The following APC variants were observed in gnomAD, a reference collection of about 807,000 sequenced individuals.
APC encodes the protein APC regulator of Wnt signaling pathway, also known as adenomatous polyposis coli protein.
In APC, 72 loss-of-function variants were observed where a neutral mutation model predicts 247.0. The observed-to-expected ratio is 0.29, with a 90% CI of 0.24 to 0.35. APC has a LOEUF of 0.35. Among genes scored for constraint, APC ranks in the 10% least tolerant of loss-of-function variants. The probability of loss-of-function intolerance (pLI) is 1.00; values close to 1 mark genes in which losing one functional copy is unlikely to be tolerated. For missense variants in APC, 3,400 were observed against 3,360.7 expected (o/e 1.01, Z -0.29); for synonymous variants, 1,254 against 1,162.5 (o/e 1.08, Z -1.60).
intron 6 of APC, among the ~76,000 whole-genome samples, chr5:112,788,150 G>T (rs961631380): frequency 6.6e-5 from 10 of 152,198 alleles, no homozygotes; most frequent in Admixed American, 6.5e-4. Context: ...GTCCACTTTA[G>T]CTTCTCCATG....
chr5:112,716,314 C>T (rs1751166649), intron 1 of APC, among the ~76,000 whole-genome samples: 1 of 151,978 alleles, frequency 6.6e-6, no homozygotes, highest in African/African-American at 2.4e-5. Flanking sequence ...TTTCAGATTT[C>T]TGTTATGATT....
chr5:112,813,715 C>T (rs1008452727), intron 8 of APC, among the ~76,000 whole-genome samples: 1 of 148,406 alleles, frequency 6.7e-6, no homozygotes, highest in Non-Finnish European at 1.5e-5. Context: ...CCAAAGAATT[C>T]AGAGCCAGCC....
At chr5:112,809,369 C>G (rs1480874058) in intron 8 of APC, among the ~76,000 whole-genome samples, 4 of 151,450 alleles carry the variant, frequency 2.6e-5, no homozygotes, top group Admixed American at 6.6e-5. Flanking sequence ...AATAAACACA[C>G]AAAGTAGAAA....
chr5:112,727,430 A>G (rs901127456), intron 1 of APC, among the ~76,000 whole-genome samples: 1 of 152,184 alleles, frequency 6.6e-6, no homozygotes, highest in Admixed American at 6.5e-5. Flanking sequence ...TAATATTGGT[A>G]TAAGAACAAA....
intron 5 of APC, chr5:112,778,550 A>AT (rs34304705): frequency 0.43 from 60,990 of 143,108 alleles, 13,808 homozygotes; most frequent in East Asian, 0.74. Flanking sequence ...CACGTAACTT[A>AT]TTTTTTTTTT....
Position 112,841,125 on chromosome 5 carries a change from A to C in APC, c.5531A>C (p.His1844Pro), listed in dbSNP as rs1392528791. ...VRGSFAFDSP[H>P]HYTPIEGTPY... ...GGAAGTTTTGCTTTTGATTCACCTC[A>C]TCATTACACGCCTATTGAAGGAACT... The change falls in exon 16 of 16, where the codon CAT (histidine) becomes CCT (proline). Residue 1844 changes from histidine (H) to proline (P), a missense_variant. His to Pro is a moderately conservative substitution (Grantham distance 77). Transcript: ENST00000257430. This position sits in a 1 kb window ranked among gnomAD's most constrained non-coding sequence, Gnocchi z 4.6. The C allele has an allele frequency of 6.2e-7, 1 of 1,612,926 alleles. No homozygotes were observed. The highest frequency in any genetic ancestry group is 1.7e-5 in the Admixed American group (1 of 60,024).
intron 7 of APC, among the ~76,000 whole-genome samples, chr5:112,794,217 G>A (rs999583524): frequency 1.3e-5 from 2 of 151,760 alleles, no homozygotes; most frequent in Non-Finnish European, 2.9e-5. Flanking sequence ...CTCAGCCCCC[G>A]AGTAGCTCAT....
intron 1 of APC, among the ~76,000 whole-genome samples, chr5:112,746,684 T>C (rs949812262): frequency 1.3e-5 from 2 of 152,208 alleles, no homozygotes; most frequent in Admixed American, 1.3e-4. Context: ...TGCCTAAACA[T>C]GTTTAAAAAA....
chr5:112,743,431 G>C (rs551929346), intron 1 of APC, among the ~76,000 whole-genome samples: 1 of 152,112 alleles, frequency 6.6e-6, no homozygotes, highest in South Asian at 2.1e-4. Flanking sequence ...TTTTTTTTAA[G>C]CTGAAGGATT....
intron 7 of APC, among the ~76,000 whole-genome samples, chr5:112,793,513 C>G (rs1182273802): frequency 6.6e-6 from 1 of 151,838 alleles, no homozygotes; most frequent in Non-Finnish European, 1.5e-5. Context: ...AAAAATTCAC[C>G]CAACAAAACA....
chr5:112,772,994 A>T (rs1757225884), intron 4 of APC, among the ~76,000 whole-genome samples: 2 of 152,246 alleles, frequency 1.3e-5, no homozygotes, highest in South Asian at 4.1e-4. Flanking sequence ...CCAGCTGTGA[A>T]TGGAGTTCAG....
At chr5:112,778,005 TC>T (rs1757860185) in intron 5 of APC, 1 of 193,300 alleles carries the variant, frequency 5.2e-6, no homozygotes, top group Admixed American at 4.9e-5. Context: ...TTCTTTAGGT[TC>T]CCAAGTGTTG....
chr5:112,795,208 AG>A (rs1760076867), intron 7 of APC, among the ~76,000 whole-genome samples: 1 of 151,984 alleles, frequency 6.6e-6, no homozygotes, highest in African/African-American at 2.4e-5. Context: ...TTGTATTTTT[AG>A]TAGAGATGGG....
At position 112,840,851 on chromosome 5, in the gene APC, G is replaced by A. The variant is rs587781350; in HGVS notation, c.5257G>A (p.Ala1753Thr). The A allele has an allele frequency of 2.5e-6, 4 of 1,614,118 alleles. No individual in the cohort carries two copies. The highest frequency in any genetic ancestry group is 1.6e-4 in the Middle Eastern group (1 of 6,062). The part of the protein sequence containing the change: ...VKKIMDQVQQ[A>T]SASSSAPNKN... Reference sequence around the variant, plus strand: ...AAAGATAATGGACCAGGTCCAGCAAGCATCTGCGTCTTCTTCTGCACCCAA... The same window carrying A: ...AAAGATAATGGACCAGGTCCAGCAAACATCTGCGTCTTCTTCTGCACCCAA... Residue 1753 changes from alanine to threonine, a missense_variant, in exon 16 of 16, where the codon GCA becomes ACA. Physicochemically the swap from Ala to Thr is moderately conservative, Grantham distance 58. Coordinates refer to ENST00000257430, the MANE Select transcript of APC (RefSeq NM_000038.6). The surrounding 1 kb of genome is among the most constrained non-coding windows in gnomAD (Gnocchi z 4.1).
intron 6 of APC, among the ~76,000 whole-genome samples, chr5:112,789,218 T>C (rs1759309723): frequency 6.6e-6 from 1 of 152,184 alleles, no homozygotes; most frequent in South Asian, 2.1e-4. Flanking sequence ...TCTTGTCATA[T>C]AGAAAAAGGA....
chr5:112,767,448 GTAATA>G, intron 4 of APC, 58 bp downstream of exon 4: 2 of 1,332,302 alleles, frequency 1.5e-6, no homozygotes, highest in East Asian at 2.4e-5. Flanking sequence ...TTGTTATTTT[GTAATA>G]TAATATTTAA....
intron 8 of APC, among the ~76,000 whole-genome samples, chr5:112,814,128 C>A (rs1051766411): frequency 6.6e-6 from 1 of 152,320 alleles, no homozygotes; most frequent in East Asian, 1.9e-4. Context: ...AAATAACTTA[C>A]ATTTTAGCTT....
intron 1 of APC, among the ~76,000 whole-genome samples, chr5:112,727,648 A>C (rs1751862583): frequency 6.6e-6 from 1 of 152,190 alleles, no homozygotes; most frequent in African/African-American, 2.4e-5. Context: ...ATATTAAATA[A>C]ATGATCATTT....
At chr5:112,712,048 G>A (rs1215142895) in intron 1 of APC, among the ~76,000 whole-genome samples, 1 of 152,164 alleles carries the variant, frequency 6.6e-6, no homozygotes, top group Non-Finnish European at 1.5e-5. Context: ...CAATATCTTT[G>A]TCTAGAGGGA....
Sources: allele counts gnomAD v4.1 joint callset (sites outside exome capture counted in the v4.1 genomes callset), GRCh38; gene constraint gnomAD v4.1.1; non-coding constraint Gnocchi (gnomAD v3.1); transcripts MANE v1.5; gene names NCBI Gene and HGNC (gene_info 2026-07-23, HGNC 2026-07-21).